BMERB1: variants seen among roughly 807,000 people sequenced by gnomAD.
BMERB1 encodes the protein bMERB domain containing 1.
A neutral mutation model predicts 23.6 loss-of-function variants in BMERB1; 12 were observed. The ratio of observed to expected loss-of-function variants is 0.51; its 90% CI spans 0.33 to 0.82. BMERB1 has a LOEUF of 0.82. Ranked by LOEUF, BMERB1 falls within the 40% of genes least tolerant of loss-of-function variation. The pLI is 0.03. For synonymous variants in BMERB1, 122 were observed against 96.6 expected (o/e 1.26, Z -1.54); for missense variants, 247 against 255.4 (o/e 0.97, Z 0.22).
intron 2 of BMERB1, among the ~76,000 whole-genome samples, chr16:15,564,731 C>G (rs2030517690): frequency 6.6e-6 from 1 of 152,186 alleles, no homozygotes; most frequent in Non-Finnish European, 1.5e-5. Context: ...GCTACATTGA[C>G]TAAAAGATCA....
rs1008865486 is a variant in BMERB1 at position 15,502,151 on chromosome 16, G to A, written c.107-13154G>A. 76 of 744,476 alleles carry A rather than the reference G, an allele frequency of 1.0e-4. 1 individual carries two copies. Among genetic ancestry groups the A allele is most frequent in the Non-Finnish European group, 1.4e-4 (64 of 445,850 alleles). The allele number at this position is 744,476 out of a possible 1,614,324, so 46.1% of individuals were successfully genotyped here. A position where few individuals can be genotyped will look rare whatever the true frequency, so the allele number is the denominator to read the frequency against. On this transcript the variant is annotated intron_variant, in intron 1 of 5. Transcript: ENST00000300006. ...TTGACGCCAATGCCTGCGTCTTCACGTGCTGTTGGTGCGTCCTCCTGAATT... is the reference window on the plus strand; with the variant it reads ...TTGACGCCAATGCCTGCGTCTTCACATGCTGTTGGTGCGTCCTCCTGAATT...
chr16:15,448,229 C>A (rs1415349967), intron 1 of BMERB1, among the ~76,000 whole-genome samples: 2 of 152,070 alleles, frequency 1.3e-5, no homozygotes, highest in African/African-American at 4.8e-5. Context: ...GCAATGGTGA[C>A]CAACTGGATG....
chr16:15,558,380 GA>G (rs1375866862), intron 2 of BMERB1, among the ~76,000 whole-genome samples: 1 of 152,090 alleles, frequency 6.6e-6, no homozygotes, highest in African/African-American at 2.4e-5. Context: ...TGGAGGCAAG[GA>G]AAAGTGAGGT....
intron 3 of BMERB1, among the ~76,000 whole-genome samples, chr16:15,578,013 C>G (rs2030913643): frequency 6.6e-6 from 1 of 152,188 alleles, no homozygotes; most frequent in South Asian, 2.1e-4. Flanking sequence ...TTTAGAGAGA[C>G]AATTTTAACA....
chr16:15,496,833 A>C (rs1267254351), intron 1 of BMERB1, among the ~76,000 whole-genome samples: 1 of 152,180 alleles, frequency 6.6e-6, no homozygotes, highest in African/African-American at 2.4e-5. Flanking sequence ...CCACTGTGCC[A>C]GGCCCACAAG....
At chr16:15,551,152 C>CG (rs1365873422) in intron 2 of BMERB1, among the ~76,000 whole-genome samples, 1 of 152,166 alleles carries the variant, frequency 6.6e-6, no homozygotes, top group African/African-American at 2.4e-5. Flanking sequence ...GCTGACTCAC[C>CG]GCCTTTGATA....
At chr16:15,517,927 G>A (rs1261753371) in intron 2 of BMERB1, among the ~76,000 whole-genome samples, 1 of 150,218 alleles carries the variant, frequency 6.7e-6, no homozygotes, top group East Asian at 2.0e-4. Flanking sequence ...GTGTGAGGAT[G>A]TGTGTGTGCA....
intron 1 of BMERB1, among the ~76,000 whole-genome samples, chr16:15,471,841 G>C (rs1018415558): frequency 2.6e-5 from 4 of 152,132 alleles, no homozygotes; most frequent in African/African-American, 7.2e-5. Flanking sequence ...GCCTCCCAAA[G>C]TGCTAGGATT....
chr16:15,450,994 A>G (rs2051036716), intron 1 of BMERB1, among the ~76,000 whole-genome samples: 1 of 152,184 alleles, frequency 6.6e-6, no homozygotes, highest in African/African-American at 2.4e-5. Flanking sequence ...AGCAACAGCA[A>G]TGAACTTTGG....
At chr16:15,448,175 C>G (rs1409076390) in intron 1 of BMERB1, 1 of 293,996 alleles carries the variant, frequency 3.4e-6, no homozygotes, top group African/African-American at 2.3e-5. Context: ...CAGACATGAG[C>G]CACTGCGCCT....
intron 2 of BMERB1, among the ~76,000 whole-genome samples, chr16:15,541,854 G>A (rs1382465764): frequency 4.0e-5 from 6 of 150,966 alleles, no homozygotes; most frequent in African/African-American, 9.7e-5. Flanking sequence ...CGCCCGCCTC[G>A]GCCTCCCAAA....
At chr16:15,568,643 A>AT (rs1341752536) in intron 3 of BMERB1, among the ~76,000 whole-genome samples, 1 of 152,292 alleles carries the variant, frequency 6.6e-6, no homozygotes, top group East Asian at 1.9e-4. Flanking sequence ...GTCTCAAAAA[A>AT]ATATATAATT....
intron 2 of BMERB1, among the ~76,000 whole-genome samples, chr16:15,537,366 T>G (rs986026301): frequency 1.1e-4 from 17 of 152,116 alleles, no homozygotes; most frequent in African/African-American, 4.1e-4. Flanking sequence ...TAATTTTTTT[T>G]TTTTTTGAGA....
chr16:15,474,834 T>C (rs138003351), intron 1 of BMERB1, among the ~76,000 whole-genome samples: 260 of 152,150 alleles, frequency 1.7e-3, no homozygotes, highest in African/African-American at 5.0e-3. Flanking sequence ...GATACAGGCA[T>C]GCACCACCAC....
chr16:15,581,291 A>G lies in BMERB1; in HGVS notation c.379A>G (p.Arg127Gly), dbSNP rs1567507447. 6.2e-7 allele frequency: 1 copy of G among 1,614,122 alleles called. No individual in the cohort carries two copies. Among genetic ancestry groups the G allele is most frequent in the Non-Finnish European group, 8.5e-7 (1 of 1,179,986 alleles). ...GAAGATCCACAAACTGGTGCAGAAGAGAGACTTCCTGGTGGACGATGCGGA... is the reference window on the plus strand; with the variant it reads ...GAAGATCCACAAACTGGTGCAGAAGGGAGACTTCCTGGTGGACGATGCGGA... ...IQKIHKLVQK[R>G]DFLVDDAEVE... Residue 127 changes from arginine (R) to glycine (G), a missense_variant, in exon 4 of 6, where the codon AGA (arginine) becomes GGA (glycine). Arg to Gly is a moderately radical substitution (Grantham distance 125). Coordinates refer to ENST00000300006, the MANE Select transcript of BMERB1 (RefSeq NM_033201.3).
intron 2 of BMERB1, among the ~76,000 whole-genome samples, chr16:15,546,358 T>A (rs2029909726): frequency 1.3e-5 from 2 of 151,954 alleles, no homozygotes; most frequent in Non-Finnish European, 2.9e-5. Context: ...GCAAAGTGAG[T>A]CCTGCTATCT....
rs763919344 is a variant in BMERB1 at position 15,583,177 on chromosome 16, A to C, written c.441A>C (p.Glu147Asp). ...ERLREQEEDK[E>D]MADFLRIKLK... ...ACAGGGAGCAAGAAGAAGACAAGGA[A>C]ATGGCTGATTTCCTGAGAATCAAGT... Residue 147 changes from glutamate (E) to aspartate (D), a missense_variant, in exon 5 of 6, where the codon GAA becomes GAC. By Grantham distance (45) the Glu-to-Asp change is conservative (BLOSUM62 2). Transcript: ENST00000300006. 6.2e-7 allele frequency: 1 copy of C among 1,613,742 alleles called. No individual in the cohort carries two copies. Among genetic ancestry groups the C allele is most frequent in the South Asian group, 1.1e-5 (1 of 91,074 alleles).
At chr16:15,578,977 C>T (rs767266787) in intron 3 of BMERB1, among the ~76,000 whole-genome samples, 6 of 152,144 alleles carry the variant, frequency 3.9e-5, no homozygotes, top group Non-Finnish European at 5.9e-5. Flanking sequence ...TGTGAGCTGA[C>T]GCAGGCCACT....
At chr16:15,464,312 T>TAAA (rs528828210) in intron 1 of BMERB1, among the ~76,000 whole-genome samples, 5 of 104,006 alleles carry the variant, frequency 4.8e-5, no homozygotes, top group African/African-American at 1.5e-4. Flanking sequence ...GACTTCATCT[T>TAAA]AAAAAAAAAA....
Sources: allele counts gnomAD v4.1 joint callset (sites outside exome capture counted in the v4.1 genomes callset), GRCh38; gene constraint gnomAD v4.1.1; transcripts MANE v1.5; gene names NCBI Gene and HGNC (gene_info 2026-07-23, HGNC 2026-07-21).